The following MECOM variants were observed in gnomAD, a reference collection of about 807,000 sequenced individuals.
The protein encoded by MECOM is histone-lysine N-methyltransferase MECOM.
MECOM carries 13 observed loss-of-function variants against 116.3 expected under a neutral mutation model. The observed-to-expected ratio is 0.11, with a 90% CI of 0.07 to 0.18. MECOM has a LOEUF of 0.18. Among genes scored for constraint, MECOM ranks in the 10% least tolerant of loss-of-function variants. The pLI, the probability that MECOM is intolerant of heterozygous loss-of-function variation, is 1.00. For synonymous variants in MECOM, 528 were observed against 535.2 expected (o/e 0.99, Z 0.19); for missense variants, 1,299 against 1,509.0 (o/e 0.86, Z 2.31).
chr3:169,590,335 A>G (rs1172007610), intron 1 of MECOM, among the ~76,000 whole-genome samples: 1 of 152,222 alleles, frequency 6.6e-6, no homozygotes, highest in Non-Finnish European at 1.5e-5. Flanking sequence ...AATAGCAACA[A>G]TAGCAACAGC....
rs1213038355 is a variant in MECOM, at chr3:169,453,296, T to C, written c.38-71772A>G. Among the ~76,000 whole-genome samples, 19 of 152,322 alleles carry C rather than the reference T, an allele frequency of 1.2e-4. No homozygotes were observed. In the East Asian group the frequency reaches 3.7e-3, roughly 29 times the overall value. ...AACATGTTTTGTGCAGGCTGACAAA[T>C]GGCCTATTAATTATCTAATGTTGTC... On this transcript the variant is annotated intron_variant, in intron 1 of 16. Transcript: ENST00000651503.
At chr3:169,547,781 C>A (rs1417011995) in intron 1 of MECOM, among the ~76,000 whole-genome samples, 1 of 151,980 alleles carries the variant, frequency 6.6e-6, no homozygotes, top group African/African-American at 2.4e-5. Flanking sequence ...AAGGGGAGGG[C>A]AACTGGAGAC....
chr3:169,117,005 CATA>C (rs574599240), intron 7 of MECOM, among the ~76,000 whole-genome samples: 154 of 152,162 alleles, frequency 1.0e-3, no homozygotes, highest in Middle Eastern at 3.4e-3. Context: ...CAATATTTTG[CATA>C]ATATTTGTGT....
At position 169,127,731 on chromosome 3, in the gene MECOM, A is replaced by G. The variant is rs1327889685; in HGVS notation, c.830+113T>C. On this transcript the variant is annotated intron_variant, in intron 5 of 16. Coordinates refer to ENST00000651503, the MANE Select transcript of MECOM (RefSeq NM_004991.4). ...TGATTTCTGAACATGTCACGAGTGCATTTGTCCAGCTCACTGGAGTTCCAA... is the reference window on the plus strand; with the variant it reads ...TGATTTCTGAACATGTCACGAGTGCGTTTGTCCAGCTCACTGGAGTTCCAA... 7.6e-6 allele frequency: 6 copies of G among 790,908 alleles called. No individual in the cohort carries two copies. The East Asian group carries it at 1.2e-4, about 16-fold the overall frequency. The allele number at this position is 790,908 out of a possible 1,614,324, so 49.0% of individuals were successfully genotyped here.
intron 2 of MECOM, among the ~76,000 whole-genome samples, chr3:169,204,467 CATT>C (rs1412980160): frequency 6.6e-6 from 1 of 152,132 alleles, no homozygotes. Flanking sequence ...AGTTTATCAT[CATT>C]GTTTTGTATA....
chr3:169,189,101 T>C (rs1747169269), intron 2 of MECOM, among the ~76,000 whole-genome samples: 1 of 152,094 alleles, frequency 6.6e-6, no homozygotes. Flanking sequence ...GAACAACATA[T>C]ATTTAGTACT....
chr3:169,139,888 A>T lies in MECOM; in HGVS notation c.510+3810T>A, dbSNP rs185049045. On this transcript the variant is annotated intron_variant, in intron 3 of 16. Transcript: ENST00000651503. The stretch of plus-strand genomic sequence containing the variant: ...CCTAAAGCAATGAGTTATGTCCACC[A>T]ATCAAAATGGTTTGTAAAAGTAAGA... Among the ~76,000 whole-genome samples, 676 of 152,134 alleles carry T rather than the reference A, an allele frequency of 4.4e-3. 5 individuals carry two copies. Among genetic ancestry groups the T allele is most frequent in the Middle Eastern group, 0.01 (3 of 294 alleles).
intron 10 of MECOM, 103 bp downstream of exon 10, chr3:169,107,823 A>C (rs1725932154): frequency 1.1e-6 from 1 of 897,482 alleles, no homozygotes; most frequent in Non-Finnish European, 1.7e-6. Context: ...ACGTAATGGA[A>C]AGGGGTTCAG....
intron 2 of MECOM, among the ~76,000 whole-genome samples, chr3:169,380,053 T>C (rs1473759410): frequency 2.0e-5 from 3 of 152,154 alleles, no homozygotes; most frequent in East Asian, 1.9e-4. Flanking sequence ...GCTTTTATTA[T>C]GGCATTTTGA....
intron 2 of MECOM, chr3:169,147,209 T>C (rs968679317): frequency 1.2e-5 from 12 of 985,188 alleles, no homozygotes; most frequent in African/African-American, 1.7e-5. Context: ...CCAGTTCCAA[T>C]GGGGGAAAAC....
At chr3:169,484,298 A>G (rs1751827325) in intron 1 of MECOM, among the ~76,000 whole-genome samples, 1 of 152,180 alleles carries the variant, frequency 6.6e-6, no homozygotes, top group Admixed American at 6.5e-5. Context: ...AGAAAGAAAG[A>G]GGAGATAAAG....
At position 169,337,984 on chromosome 3, in the gene MECOM, G is replaced by T. The variant is rs114582551; in HGVS notation, c.375+43203C>A. 6.1e-3 allele frequency among the ~76,000 whole-genome samples: 922 copies of T among 152,236 alleles called. 7 individuals are homozygous for T. Among genetic ancestry groups the T allele is most frequent in the African/African-American group, 0.022 (895 of 41,526 alleles). ...ACCAAAGAAAAATAGGTTTTCAAAA[G>T]CCTATTCCCTTTATCAAGAATACAA... On this transcript the variant is annotated intron_variant, in intron 2 of 16. Transcript: ENST00000651503.
At chr3:169,118,179 A>G (rs1403362455) in intron 7 of MECOM, among the ~76,000 whole-genome samples, 1 of 152,142 alleles carries the variant, frequency 6.6e-6, no homozygotes, top group African/African-American at 2.4e-5. Context: ...ATTATCCCAC[A>G]TACATCCAAA....
At chr3:169,396,151 G>A (rs1734994712) in intron 1 of MECOM, among the ~76,000 whole-genome samples, 1 of 152,098 alleles carries the variant, frequency 6.6e-6, no homozygotes, top group Non-Finnish European at 1.5e-5. Flanking sequence ...GCAGCTTCCT[G>A]TTCTATAGTA....
Position 169,317,881 on chromosome 3 carries a change from AG to A in MECOM, c.375+63305del, listed in dbSNP as rs1296516180. On this transcript the variant is annotated intron_variant, in intron 2 of 16. Coordinates refer to ENST00000651503, the MANE Select transcript of MECOM (RefSeq NM_004991.4). ...CTACCTGGCTTCAAACTATACTACA[AG>A]GCTACAGTAACCAAAACAGCATGGT... Among the ~76,000 whole-genome samples the A allele has an allele frequency of 7.2e-5, 11 of 152,300 alleles. No homozygotes were observed. In the East Asian group the frequency reaches 2.1e-3, roughly 29 times the overall value.
chr3:169,663,210 C>T, intron 1 of MECOM, 126 bp downstream of exon 1: 2 of 1,095,522 alleles, frequency 1.8e-6, no homozygotes, highest in Non-Finnish European at 1.3e-6. Flanking sequence ...GGCTGCGCTC[C>T]GCCTGCCCTC....
At chr3:169,144,555 T>C (rs1739143498) in intron 2 of MECOM, among the ~76,000 whole-genome samples, 1 of 152,158 alleles carries the variant, frequency 6.6e-6, no homozygotes, top group Admixed American at 6.5e-5. Flanking sequence ...TAGGTATACT[T>C]GTATCTTGTT....
chr3:169,662,958 G>A (rs1776509600), intron 1 of MECOM, among the ~76,000 whole-genome samples: 1 of 151,508 alleles, frequency 6.6e-6, no homozygotes, highest in South Asian at 2.1e-4. Context: ...GGGGGGAAGG[G>A]GAGGGGAGGG....
chr3:169,326,711 C>T (rs963169720), intron 2 of MECOM, among the ~76,000 whole-genome samples: 2 of 152,098 alleles, frequency 1.3e-5, no homozygotes, highest in African/African-American at 4.8e-5. Context: ...ATTTTTACCA[C>T]CTTCAAACGG....
Sources: allele counts gnomAD v4.1 joint callset (sites outside exome capture counted in the v4.1 genomes callset), GRCh38; gene constraint gnomAD v4.1.1; transcripts MANE v1.5; gene names NCBI Gene and HGNC (gene_info 2026-07-23, HGNC 2026-07-21).